NXPE2: variants seen among roughly 807,000 people sequenced by gnomAD.
NXPE2 encodes the protein NXPE family member 2.
In NXPE2, 34 loss-of-function variants were observed where a neutral mutation model predicts 34.4. The observed-to-expected ratio is 0.99, with a 90% confidence interval of 0.75 to 1.31. The LOEUF is 1.31. Among genes scored for constraint, NXPE2 ranks in the 40% most tolerant of loss-of-function variants. The pLI is 0.00. For missense variants in NXPE2, 649 were observed against 672.5 expected (o/e 0.97, Z 0.39); for synonymous variants, 235 against 231.3 (o/e 1.02, Z -0.15).
Position 114,698,683 on chromosome 11 carries a change from G to T in NXPE2, c.771G>T (p.Arg257Ser). 6.2e-7 allele frequency: 1 copy of T among 1,614,148 alleles called. No individual in the cohort carries two copies. The highest frequency in any genetic ancestry group is 8.5e-7 in the Non-Finnish European group (1 of 1,180,000). The change falls in exon 3 of 6, where the codon AGG (arginine) becomes AGT (serine). Residue 257 changes from arginine to serine, a missense_variant. Coordinates refer to ENST00000389586, the MANE Select transcript of NXPE2 (RefSeq NM_182495.6). Reference protein sequence around the residue: ...DRDQEAFYCVRPQHMPCEALT... With the variant: ...DRDQEAFYCVSPQHMPCEALT... ...ACCAAGAAGCCTTCTACTGTGTGAGGCCTCAACATATGCCCTGTGAGGCCT... is the reference window on the plus strand; with the variant it reads ...ACCAAGAAGCCTTCTACTGTGTGAGTCCTCAACATATGCCCTGTGAGGCCT...
In NXPE2 at chr11:114,706,539, A is replaced by G. The variant is rs1288425195; in HGVS notation, c.1289A>G (p.Tyr430Cys). 3.2e-6 allele frequency: 5 copies of G among 1,551,888 alleles called. No homozygotes were observed. In the South Asian group the frequency reaches 3.6e-5, roughly 11 times the overall value. ...KKLFSVKDENYIPREIDQVAG... is the reference protein window; with the variant it reads ...KKLFSVKDENCIPREIDQVAG... ...TTATTCTCAGTGAAAGATGAAAACT[A>G]TATCCCACGGGAAATTGACCAGGTA... The change falls in exon 6 of 6, where the codon TAT (tyrosine) becomes TGT (cysteine). Residue 430 changes from tyrosine to cysteine, a missense_variant. Tyr to Cys is a radical substitution (Grantham distance 194, BLOSUM62 -2). Transcript: ENST00000389586.
the NXPE2 span, among the ~76,000 whole-genome samples, chr11:114,619,817 T>G: frequency 6.4e-5 from 9 of 140,218 alleles, no homozygotes; most frequent in East Asian, 6.7e-4. Flanking sequence ...GTTACCCAGT[T>G]TATAATAAGT....
chr11:114,740,357 C>T, the NXPE2 span, among the ~76,000 whole-genome samples: 28 of 151,980 alleles, frequency 1.8e-4, no homozygotes, highest in African/African-American at 5.8e-4. Flanking sequence ...TTGGCAGACA[C>T]GTAGGTTGTT....
the NXPE2 span, among the ~76,000 whole-genome samples, chr11:114,649,577 A>G: frequency 6.6e-6 from 1 of 152,218 alleles, no homozygotes; most frequent in Non-Finnish European, 1.5e-5. Flanking sequence ...CTGGGCAACT[A>G]GGTAAAAAAC....
chr11:114,497,027 G>A, the NXPE2 span, among the ~76,000 whole-genome samples: 1 of 152,232 alleles, frequency 6.6e-6, no homozygotes, highest in East Asian at 1.9e-4. Flanking sequence ...ATTTCAGAGT[G>A]TACTTTTTCT....
the NXPE2 span, among the ~76,000 whole-genome samples, chr11:114,766,551 T>C: frequency 7.2e-5 from 11 of 152,204 alleles, no homozygotes; most frequent in East Asian, 1.9e-3. Flanking sequence ...CCTTTTTCCT[T>C]CATTATTTTT....
the NXPE2 span, among the ~76,000 whole-genome samples, chr11:114,759,685 T>A: frequency 1.3e-5 from 2 of 152,242 alleles, no homozygotes; most frequent in Non-Finnish European, 2.9e-5. Flanking sequence ...TATTACATTT[T>A]AAAATCCTTT....
chr11:114,710,571 T>G (rs1859593736), downstream of NXPE2, among the ~76,000 whole-genome samples: 1 of 152,106 alleles, frequency 6.6e-6, no homozygotes, highest in Admixed American at 6.5e-5. Context: ...AACAGACCTA[T>G]AACTGAGAGG....
chr11:114,725,317 G>T, the NXPE2 span, among the ~76,000 whole-genome samples: 1 of 152,014 alleles, frequency 6.6e-6, no homozygotes, highest in Non-Finnish European at 1.5e-5. Context: ...TTTTAAACCT[G>T]ATATAAGTTG....
chr11:114,726,511 C>T, the NXPE2 span, among the ~76,000 whole-genome samples: 3 of 152,036 alleles, frequency 2.0e-5, no homozygotes, highest in African/African-American at 7.2e-5. Context: ...TGCACCCAGC[C>T]TAATATCCTT....
chr11:114,585,609 GTA>G, the NXPE2 span, among the ~76,000 whole-genome samples: 2 of 151,722 alleles, frequency 1.3e-5, no homozygotes, highest in African/African-American at 4.8e-5. Flanking sequence ...GTGTGTGTGT[GTA>G]TATATATGTA....
intron 3 of NXPE2, among the ~76,000 whole-genome samples, chr11:114,702,651 A>G (rs1367766343): frequency 6.6e-6 from 1 of 152,186 alleles, no homozygotes; most frequent in Non-Finnish European, 1.5e-5. Flanking sequence ...AAATTTAGGC[A>G]TATTAAATAG....
At chr11:114,672,484 A>C in the NXPE2 span, among the ~76,000 whole-genome samples, 6 of 152,010 alleles carry the variant, frequency 3.9e-5, no homozygotes, top group African/African-American at 1.2e-4. Context: ...ATAATACTTA[A>C]TGTGAATAAT....
chr11:114,716,093 A>C, the NXPE2 span, among the ~76,000 whole-genome samples: 8 of 152,302 alleles, frequency 5.3e-5, no homozygotes, highest in African/African-American at 1.9e-4. Context: ...CCCCACTGTC[A>C]AGCAACTTAC....
At chr11:114,755,186 A>G in the NXPE2 span, among the ~76,000 whole-genome samples, 5 of 152,206 alleles carry the variant, frequency 3.3e-5, no homozygotes, top group Non-Finnish European at 7.4e-5. Flanking sequence ...AGATTTTCCT[A>G]AAATAGAATT....
the NXPE2 span, among the ~76,000 whole-genome samples, chr11:114,712,769 T>C: frequency 1.3e-5 from 2 of 152,192 alleles, no homozygotes; most frequent in African/African-American, 4.8e-5. Flanking sequence ...CCACTGTGGC[T>C]AGATATTCAC....
At chr11:114,565,279 C>T in the NXPE2 span, among the ~76,000 whole-genome samples, 226 of 151,994 alleles carry the variant, frequency 1.5e-3, no homozygotes, top group Non-Finnish European at 2.3e-3. Context: ...TAATAGAGAA[C>T]GTGTCTTTAT....
chr11:114,738,110 G>A, the NXPE2 span, among the ~76,000 whole-genome samples: 2 of 152,012 alleles, frequency 1.3e-5, no homozygotes, highest in African/African-American at 2.4e-5. Flanking sequence ...TGAGACTGGA[G>A]AACATGGCTC....
chr11:114,602,685 AATT>A, the NXPE2 span, among the ~76,000 whole-genome samples: 1 of 141,338 alleles, frequency 7.1e-6, no homozygotes, highest in Non-Finnish European at 1.5e-5. Flanking sequence ...CATATGTAAT[AATT>A]ATCTCATATA....
Sources: allele counts gnomAD v4.1 joint callset (sites outside exome capture counted in the v4.1 genomes callset), GRCh38; gene constraint gnomAD v4.1.1; transcripts MANE v1.5; gene names NCBI Gene and HGNC (gene_info 2026-07-23, HGNC 2026-07-21).